AQR: variants seen among roughly 807,000 people sequenced by gnomAD.
AQR encodes RNA helicase aquarius.
AQR carries 61 observed loss-of-function variants against 180.5 expected under a neutral mutation model. That is an observed-to-expected ratio of 0.34 (90% CI 0.28 to 0.42). The LOEUF is 0.42. Ranked by LOEUF, AQR falls within the 10% of genes least tolerant of loss-of-function variation. AQR has a pLI of 1.00. For synonymous variants in AQR, 551 were observed against 588.8 expected, an observed-to-expected ratio of 0.94 and a Z score of 0.93; for missense variants, 1,281 against 1,798.3, an observed-to-expected ratio of 0.71 and a Z score of 5.20.
Position 34,964,261 on chromosome 15 carries a change from G to C in AQR, c.105C>G (p.Ile35Met). The C allele has an allele frequency of 6.2e-7, 1 of 1,608,178 alleles. No individual in the cohort carries two copies. The highest frequency in any genetic ancestry group is 2.2e-5 in the East Asian group (1 of 44,862). The change falls in exon 2 of 35, where the codon ATC becomes ATG. Residue 35 changes from isoleucine (I) to methionine (M), a missense_variant. Coordinates refer to ENST00000156471, the MANE Select transcript of AQR (RefSeq NM_014691.3). ...TTATATCAAAAGGTGATTTCTTCTT[G>C]ATGTGGGGAGCCCAGTATTTACATG... is the stretch of plus-strand genomic sequence containing the variant. ...QLACKYWAPH[I>M]KKKSPFDIKV...
At chr15:34,891,528 GTGT>G (rs1893148453) in intron 23 of AQR, among the ~76,000 whole-genome samples, 1 of 152,172 alleles carries the variant, frequency 6.6e-6, no homozygotes, top group Non-Finnish European at 1.5e-5. Flanking sequence ...ACCAAGGCAG[GTGT>G]TTAGCAAGCA....
chr15:34,876,878 T>A (rs2140464254), intron 27 of AQR, among the ~76,000 whole-genome samples: 1 of 152,310 alleles, frequency 6.6e-6, no homozygotes, highest in East Asian at 1.9e-4. Context: ...CTCTTCACTT[T>A]TAGTCTAGTT....
intron 20 of AQR, among the ~76,000 whole-genome samples, chr15:34,899,030 C>T (rs1001068781): frequency 2.7e-5 from 4 of 150,876 alleles, no homozygotes; most frequent in African/African-American, 4.9e-5. Context: ...AATTGCCAGG[C>T]GTGGTGGCGG....
At position 34,854,571 on chromosome 15, in the gene AQR, T is replaced by TGTA. The variant is rs1022602502; in HGVS notation, c.*2220_*2221insTAC. The TGTA allele has an allele frequency of 6.6e-6, 1 of 152,194 alleles. No individual in the cohort carries two copies. The highest frequency in any genetic ancestry group is 1.5e-5 in the Non-Finnish European group (1 of 68,038). The allele number at this position is 152,194 out of a possible 1,614,324, so 9.4% of individuals were successfully genotyped here. ...AAATTCCTTCAAAAATTCCCAAGATTCTACAGTCAACTGCCACTCACTTGC... is the reference window on the plus strand; with the variant it reads ...AAATTCCTTCAAAAATTCCCAAGATTGTACTACAGTCAACTGCCACTCACTTGC... On this transcript the variant is annotated 3_prime_UTR_variant, in exon 35 of 35. Transcript: ENST00000156471.
intron 1 of AQR, among the ~76,000 whole-genome samples, chr15:34,966,869 C>CTTTTTTTTTTTT (rs148912380): frequency 1.5e-5 from 1 of 67,036 alleles, no homozygotes. Flanking sequence ...CCACCCTGGC[C>CTTTTTTTTTTTT]TTTTTTTTTT....
intron 8 of AQR, among the ~76,000 whole-genome samples, chr15:34,940,540 A>C (rs1393851641): frequency 6.6e-6 from 1 of 152,186 alleles, no homozygotes; most frequent in African/African-American, 2.4e-5. Flanking sequence ...CAAAAAAATA[A>C]AAAAAGAGTG....
At chr15:34,958,833 A>T (rs537416627) in intron 3 of AQR, among the ~76,000 whole-genome samples, 11 of 152,284 alleles carry the variant, frequency 7.2e-5, no homozygotes, top group South Asian at 2.1e-4. Flanking sequence ...CCTTCAGACC[A>T]TATGTTACAA....
Position 34,924,340 on chromosome 15 carries a change from G to A in AQR, c.1118+2695C>T, listed in dbSNP as rs1893724836. 2.0e-5 allele frequency among the ~76,000 whole-genome samples: 3 copies of A among 152,134 alleles called. No individual in the cohort carries two copies. In the South Asian group the frequency reaches 6.2e-4, roughly 32 times the overall value. On this transcript the variant is annotated intron_variant, in intron 13 of 34. Transcript: ENST00000156471. ...ATCAGTCACAAAAATGTAAAACAAT[G>A]ACACTCTTTTAATGGTGCATTTTTT... is the stretch of plus-strand genomic sequence containing the variant.
chr15:34,863,116 A>T, intron 32 of AQR, 75 bp from the exon 33 acceptor site: 6 of 1,343,676 alleles, frequency 4.5e-6, no homozygotes, highest in Non-Finnish European at 6.1e-6. Context: ...TTTTTCACAG[A>T]TTTCATTAGA....
At position 34,944,273 on chromosome 15, in the gene AQR, A is replaced by G. The variant is rs1327946474; in HGVS notation, c.471+15T>C. On this transcript the variant is annotated intron_variant, in intron 6 of 34. Transcript: ENST00000156471. ...GAAAACTTGAAAATTACCCCAAAATATAAAGTAAAAGTACCAAACTATTGA... is the reference window on the plus strand; with the variant it reads ...GAAAACTTGAAAATTACCCCAAAATGTAAAGTAAAAGTACCAAACTATTGA... 4 of 1,563,912 alleles carry G rather than the reference A, an allele frequency of 2.6e-6. No individual in the cohort carries two copies. The highest frequency in any genetic ancestry group is 3.4e-6 in the Non-Finnish European group (4 of 1,161,078).
Position 34,918,026 on chromosome 15 carries a change from G to A in AQR, c.1342+232C>T, listed in dbSNP as rs533624244. Among the ~76,000 whole-genome samples, 299 of 152,092 alleles carry A rather than the reference G, an allele frequency of 2.0e-3. 1 individual carries two copies. Among genetic ancestry groups the A allele is most frequent in the Middle Eastern group, 6.8e-3 (2 of 294 alleles). Reference sequence around the variant, plus strand: ...AACCAAAACAGTCTTAGGGCTTTATGGTCGTATTTTTTACAGGGTGATATG... The same window carrying A: ...AACCAAAACAGTCTTAGGGCTTTATAGTCGTATTTTTTACAGGGTGATATG... On this transcript the variant is annotated intron_variant, in intron 15 of 34. Transcript: ENST00000156471.
At chr15:34,910,952 T>C (rs1308126909) in intron 16 of AQR, among the ~76,000 whole-genome samples, 2 of 152,172 alleles carry the variant, frequency 1.3e-5, no homozygotes, top group Non-Finnish European at 2.9e-5. Flanking sequence ...TTTCCCCACC[T>C]ACAACCTGAT....
chr15:34,948,021 CAAAGCAGAA>C (rs1279132182), intron 5 of AQR: 3 of 377,542 alleles, frequency 7.9e-6, no homozygotes, highest in Non-Finnish European at 9.4e-6. Flanking sequence ...GTTTCAAACA[CAAAGCAGAA>C]AAATAACTCA....
chr15:34,884,778 T>C (rs768476592), intron 25 of AQR, 44 bp from the exon 26 acceptor site: 1 of 1,408,848 alleles, frequency 7.1e-7, no homozygotes, highest in Admixed American at 2.0e-5. Flanking sequence ...CTAATTATGA[T>C]GTTTTAAAGC....
chr15:34,949,951 G>A (rs1226365732), intron 4 of AQR, among the ~76,000 whole-genome samples: 1 of 141,514 alleles, frequency 7.1e-6, no homozygotes, highest in African/African-American at 2.5e-5. Context: ...GGGCAACAGA[G>A]TGAGACCCCA....
At position 34,958,202 on chromosome 15, in the gene AQR, G is replaced by A. The variant is rs750049353; in HGVS notation, c.173+2572C>T. Among the ~76,000 whole-genome samples the A allele has an allele frequency of 4.5e-4, 69 of 151,928 alleles. 1 individual carries two copies. The highest frequency in any genetic ancestry group is 9.1e-4 in the Non-Finnish European group (62 of 67,956). ...CAGCCTGGCGACAGAGCAAGACTCC[G>A]TCTCAAAAAATAAAAAAGAATAACG... On this transcript the variant is annotated intron_variant, in intron 3 of 34. Coordinates refer to ENST00000156471, the MANE Select transcript of AQR (RefSeq NM_014691.3).
chr15:34,945,866 G>C (rs899873255), intron 5 of AQR, among the ~76,000 whole-genome samples: 7 of 152,106 alleles, frequency 4.6e-5, no homozygotes, highest in Non-Finnish European at 5.9e-5. Context: ...GGCGGGCAAA[G>C]AAAACAAAGA....
At position 34,940,995 on chromosome 15, in the gene AQR, C is replaced by T. The variant is rs779575603; in HGVS notation, c.545G>A (p.Arg182Gln). ...TGTCTTTTTTAATTCTAATTCCAAT[C>T]GTGCCTGAAGAAGAGATGTGTTATT... is the stretch of plus-strand genomic sequence containing the variant. Reference protein sequence around the residue: ...LPMWMGLQLARLELELKKTPK... With the variant: ...LPMWMGLQLAQLELELKKTPK... Residue 182 changes from arginine to glutamine, a missense_variant, in exon 8 of 35, where the codon CGA becomes CAA. Transcript: ENST00000156471. 3.1e-6 allele frequency: 5 copies of T among 1,598,982 alleles called. No individual in the cohort carries two copies. Among genetic ancestry groups the T allele is most frequent in the East Asian group, 2.2e-5 (1 of 44,670 alleles).
At position 34,920,542 on chromosome 15, in the gene AQR, G is replaced by A. The variant is rs16960082; in HGVS notation, c.1119-108C>T. 3,124 of 773,934 alleles carry A rather than the reference G, an allele frequency of 4.0e-3. 14 individuals carry two copies. The highest frequency in any genetic ancestry group is 5.3e-3 in the Non-Finnish European group (2,559 of 483,846). 47.9% of individuals were successfully genotyped at this position (773,934 alleles called of 1,614,324 possible). A position where few individuals can be genotyped will look rare whatever the true frequency, so the allele number is the denominator to read the frequency against. On this transcript the variant is annotated intron_variant, in intron 13 of 34. Transcript: ENST00000156471. ...AAAAGCAAATATAATACTATGACAT[G>A]GGCAGCAAATATCAAAAACCAGCAA...
Sources: allele counts gnomAD v4.1 joint callset (sites outside exome capture counted in the v4.1 genomes callset), GRCh38; gene constraint gnomAD v4.1.1; transcripts MANE v1.5; gene names NCBI Gene and HGNC (gene_info 2026-07-23, HGNC 2026-07-21).